PLEKHG1: variants seen among roughly 807,000 people sequenced by gnomAD.
PLEKHG1 encodes pleckstrin homology domain-containing family G member 1.
A neutral mutation model predicts 100.8 loss-of-function variants in PLEKHG1; 44 were observed. That is an observed-to-expected ratio of 0.44 (90% CI 0.34 to 0.56). PLEKHG1 has a LOEUF of 0.56. Among genes scored for constraint, PLEKHG1 ranks in the 20% least tolerant of loss-of-function variants. The probability of loss-of-function intolerance (pLI) is 0.01; values close to 1 mark genes in which losing one functional copy is unlikely to be tolerated. For synonymous variants in PLEKHG1, 640 were observed against 662.5 expected (o/e 0.97, Z 0.52); for missense variants, 1,545 against 1,720.9 (o/e 0.90, Z 1.81).
At chr6:150,655,482 G>A (rs1433583855) in intron 3 of PLEKHG1, among the ~76,000 whole-genome samples, 4 of 152,114 alleles carry the variant, frequency 2.6e-5, no homozygotes, top group African/African-American at 7.2e-5. Context: ...GCCGAGGCGG[G>A]TAGATCACAA....
chr6:150,652,421 A>AT (rs1334663611), intron 3 of PLEKHG1, among the ~76,000 whole-genome samples: 2 of 152,194 alleles, frequency 1.3e-5, no homozygotes, highest in African/African-American at 4.8e-5. Flanking sequence ...CTTTTTACTG[A>AT]TAAAAAAGTT....
At chr6:150,832,326 AAAGT>A (rs1269660170) in intron 15 of PLEKHG1, 121 bp downstream of exon 16, 5 of 765,308 alleles carry the variant, frequency 6.5e-6, no homozygotes, top group Non-Finnish European at 1.0e-5. Context: ...TTGTCATCTC[AAAGT>A]AAGACCACAG....
chr6:150,677,231 A>C (rs1259265518), intron 3 of PLEKHG1, among the ~76,000 whole-genome samples: 1 of 152,012 alleles, frequency 6.6e-6, no homozygotes, highest in Non-Finnish European at 1.5e-5. Context: ...ATAAGACCCT[A>C]TGTGGCCTGG....
Position 150,610,228 on chromosome 6 carries a change from A to G in PLEKHG1, c.-204+10211A>G, listed in dbSNP as rs1373782698. 2.0e-5 allele frequency among the ~76,000 whole-genome samples: 3 copies of G among 152,112 alleles called. 1 individual carries two copies. The highest frequency in any genetic ancestry group is 7.2e-5 in the African/African-American group (3 of 41,414). On this transcript the variant is annotated intron_variant, in intron 1 of 3. Transcript: ENST00000367326. ...GCGATTTTCCTGCCTCAGCCTCCCGAGTAGCTGGGATTACAGGCACCTGCC... is the reference window on the plus strand; with the variant it reads ...GCGATTTTCCTGCCTCAGCCTCCCGGGTAGCTGGGATTACAGGCACCTGCC...
At chr6:150,780,308 G>A (rs1053464531) in intron 3 of PLEKHG1, among the ~76,000 whole-genome samples, 1 of 151,764 alleles carries the variant, frequency 6.6e-6, no homozygotes, top group Admixed American at 6.6e-5. Flanking sequence ...TAGAGACAGG[G>A]TTTCACCATA....
rs759657155 is a variant in PLEKHG1 at position 150,809,202 on chromosome 6, A to G, written c.1010A>G (p.Asn337Ser). Residue 337 changes from asparagine (N) to serine (S), a missense_variant, in exon 8 of 16, where the codon AAT becomes AGT. By Grantham distance (46) the Asn-to-Ser change is conservative (BLOSUM62 1). Transcript: ENST00000358517. ...ACCTTCCGCATCCAGCGAGCCAAGA[A>G]TGAGCGGACGCTCTTCCTCTTCGAC... 1 of 1,613,374 alleles carries G rather than the reference A, an allele frequency of 6.2e-7. No individual in the cohort carries two copies. Among genetic ancestry groups the G allele is most frequent in the South Asian group, 1.1e-5 (1 of 91,022 alleles).
intron 3 of PLEKHG1, among the ~76,000 whole-genome samples, chr6:150,694,563 G>T (rs991394408): frequency 6.6e-6 from 1 of 151,956 alleles, no homozygotes; most frequent in Non-Finnish European, 1.5e-5. Context: ...AGCCCAGTGT[G>T]GGGGTGGGCG....
At chr6:150,816,382 T>TA (rs905252549) in intron 10 of PLEKHG1, among the ~76,000 whole-genome samples, 10 of 133,294 alleles carry the variant, frequency 7.5e-5, no homozygotes, top group Non-Finnish European at 1.4e-4. Context: ...TTCTGTTGCC[T>TA]AGGCTGGAGT....
intron 3 of PLEKHG1, among the ~76,000 whole-genome samples, chr6:150,777,796 G>T (rs1035056810): frequency 1.3e-5 from 2 of 152,058 alleles, no homozygotes; most frequent in South Asian, 2.1e-4. Context: ...ATGTGCGGTT[G>T]CACATCAGCC....
intron 1 of PLEKHG1, among the ~76,000 whole-genome samples, chr6:150,617,392 A>C (rs1281852802): frequency 6.6e-6 from 1 of 152,228 alleles, no homozygotes; most frequent in Non-Finnish European, 1.5e-5. Context: ...TTCAAAATCA[A>C]ACTTGATGCC....
intron 3 of PLEKHG1, among the ~76,000 whole-genome samples, chr6:150,702,544 CATTTT>C (rs146526712): frequency 0.051 from 6,293 of 122,582 alleles, 422 homozygotes; most frequent in African/African-American, 0.21. Context: ...CAGTACTTCT[CATTTT>C]GTTTTGGGGT....
intron 1 of PLEKHG1, among the ~76,000 whole-genome samples, chr6:150,726,591 A>G (rs184347245): frequency 6.6e-6 from 1 of 152,346 alleles, no homozygotes; most frequent in East Asian, 1.9e-4. Flanking sequence ...TACCTTGTTT[A>G]AAACTTATTT....
intron 3 of PLEKHG1, among the ~76,000 whole-genome samples, chr6:150,654,735 C>T (rs1003119878): frequency 3.3e-5 from 5 of 152,210 alleles, no homozygotes; most frequent in South Asian, 2.1e-4. Context: ...CTGTTTTCCT[C>T]GGGGCTGATG....
intron 4 of PLEKHG1, among the ~76,000 whole-genome samples, chr6:150,790,021 TA>T (rs1396938527): frequency 8.2e-5 from 11 of 133,614 alleles, no homozygotes; most frequent in Admixed American, 7.9e-4. Flanking sequence ...GAAATTGAAA[TA>T]TTTTTTTTTC....
Position 150,804,175 on chromosome 6 carries a change from A to ATTTTTT in PLEKHG1, c.781-412_781-407dup, listed in dbSNP as rs1554276244. On this transcript the variant is annotated intron_variant, in intron 6 of 15. Transcript: ENST00000358517. Reference sequence around the variant, plus strand: ...ATATTTTATATATATATATATATATATTTTTTTTTTTTTTTTTTTTTTTTT... The same window carrying ATTTTTT: ...ATATTTTATATATATATATATATATATTTTTTTTTTTTTTTTTTTTTTTTTTTTTTT... Among the ~76,000 whole-genome samples the ATTTTTT allele has an allele frequency of 3.5e-4, 15 of 43,172 alleles. 4 individuals carry two copies. Among genetic ancestry groups the ATTTTTT allele is most frequent in the East Asian group, 7.3e-4 (1 of 1,372 alleles). The allele number at this position is 43,172 out of a possible 152,430, so 28.3% of individuals were successfully genotyped here.
intron 1 of PLEKHG1, among the ~76,000 whole-genome samples, chr6:150,608,903 A>C (rs1329585245): frequency 6.6e-6 from 1 of 152,366 alleles, no homozygotes; most frequent in South Asian, 2.1e-4. Flanking sequence ...ACTGCATAAT[A>C]TATGTATGGC....
intron 1 of PLEKHG1, among the ~76,000 whole-genome samples, chr6:150,612,052 C>CA (rs986111734): frequency 2.9e-5 from 3 of 101,826 alleles, no homozygotes; most frequent in Admixed American, 1.8e-4. Context: ...TGTTCCCCCC[C>CA]CCCCCCCCTT....
intron 3 of PLEKHG1, among the ~76,000 whole-genome samples, chr6:150,661,876 C>G (rs1035694192): frequency 6.6e-6 from 1 of 152,104 alleles, no homozygotes; most frequent in Non-Finnish European, 1.5e-5. Flanking sequence ...TGTATTGTCC[C>G]CATTTTAATT....
chr6:150,817,554 ATTTTTTTTT>A (rs774464059), intron 10 of PLEKHG1, among the ~76,000 whole-genome samples: 8 of 115,570 alleles, frequency 6.9e-5, no homozygotes, highest in Non-Finnish European at 1.4e-4. Context: ...AAGAATCTGC[ATTTTTTTTT>A]TTTTTTTTTT....
Sources: allele counts gnomAD v4.1 joint callset (sites outside exome capture counted in the v4.1 genomes callset), GRCh38; gene constraint gnomAD v4.1.1; transcripts MANE v1.5; gene names NCBI Gene and HGNC (gene_info 2026-07-23, HGNC 2026-07-21).